Variants in NADK2 observed in about 807,000 individuals in gnomAD.
The protein encoded by NADK2 is NAD kinase domain-containing protein 1, mitochondrial.
In NADK2, 35 loss-of-function variants were observed where a neutral mutation model predicts 62.1. That is an observed-to-expected ratio of 0.56 (90% CI 0.43 to 0.75). The LOEUF is 0.75. Among genes scored for constraint, NADK2 ranks in the 30% least tolerant of loss-of-function variants. The probability of loss-of-function intolerance (pLI) is 0.00; values close to 1 mark genes in which losing one functional copy is unlikely to be tolerated. For missense variants in NADK2, 439 were observed against 561.3 expected (o/e 0.78, Z 2.20); for synonymous variants, 205 against 207.9 (o/e 0.99, Z 0.12).
At chr5:36,217,554 G>A (rs907166941) in intron 6 of NADK2, among the ~76,000 whole-genome samples, 194 bp downstream of exon 6, 3 of 151,764 alleles carry the variant, frequency 2.0e-5, no homozygotes, top group African/African-American at 7.3e-5. Context: ...ATCTGTCCTA[G>A]AAAACATTTC....
At chr5:36,238,593 T>C (rs969291040) in intron 1 of NADK2, among the ~76,000 whole-genome samples, 1 of 152,216 alleles carries the variant, frequency 6.6e-6, no homozygotes, top group Non-Finnish European at 1.5e-5. Context: ...AAGTCAGTTT[T>C]GTTTCATCTA....
chr5:36,201,075 G>GGAAAA, intron 9 of NADK2, 31 bp downstream of exon 9: 1 of 1,598,602 alleles, frequency 6.3e-7, no homozygotes, highest in Non-Finnish European at 8.6e-7. Context: ...GGATAAGAGG[G>GGAAAA]GACTACTCCA....
rs1189866494 is a variant in NADK2 at position 36,241,458 on chromosome 5, G to A, written c.300+41C>T. 3 of 1,496,236 alleles carry A rather than the reference G, an allele frequency of 2.0e-6. No homozygotes were observed. The highest frequency in any genetic ancestry group is 5.6e-5 in the East Asian group (2 of 35,870). 92.7% of individuals were successfully genotyped at this position (1,496,236 alleles called of 1,614,324 possible). A position where few individuals can be genotyped will look rare whatever the true frequency, so the allele number is the denominator to read the frequency against. On this transcript the variant is annotated intron_variant, in intron 1 of 11. Transcript: ENST00000381937. The surrounding 1 kb of genome is among the most constrained non-coding windows in gnomAD (Gnocchi z 4.9). ...GGGGCGCAGCCGCCACCAGAGCCCC[G>A]GCCGAGCCCGGGAGCGAAGCGGGGC...
At chr5:36,228,484 T>A (rs1017472750) in intron 1 of NADK2, among the ~76,000 whole-genome samples, 2 of 152,120 alleles carry the variant, frequency 1.3e-5, no homozygotes, top group Middle Eastern at 3.2e-3. Context: ...CAGGCTGGTC[T>A]TGGACTCCTA....
At chr5:36,210,622 A>C (rs1746806575) in intron 7 of NADK2, among the ~76,000 whole-genome samples, 1 of 152,226 alleles carries the variant, frequency 6.6e-6, no homozygotes, top group South Asian at 2.1e-4. Context: ...AAAAATATTA[A>C]TATCATGAAT....
intron 10 of NADK2, among the ~76,000 whole-genome samples, chr5:36,199,038 C>A (rs978918676): frequency 4.7e-5 from 7 of 149,790 alleles, no homozygotes; most frequent in Non-Finnish European, 8.9e-5. Context: ...ACATTACACA[C>A]TGGGGACTGT....
intron 7 of NADK2, among the ~76,000 whole-genome samples, chr5:36,211,010 A>G (rs1435439855): frequency 6.6e-6 from 1 of 152,064 alleles, no homozygotes; most frequent in Non-Finnish European, 1.5e-5. Context: ...AATAAAAATA[A>G]AACATTAATA....
At chr5:36,235,593 A>T (rs1390405832) in intron 1 of NADK2, among the ~76,000 whole-genome samples, 1 of 152,154 alleles carries the variant, frequency 6.6e-6, no homozygotes, top group Non-Finnish European at 1.5e-5. Flanking sequence ...TTAAAGCAGG[A>T]TTTGTCTACT....
intron 10 of NADK2, 117 bp from the exon 11 acceptor site, chr5:36,197,781 C>CA: frequency 1.1e-6 from 1 of 888,496 alleles, no homozygotes; most frequent in Middle Eastern, 3.3e-4. Flanking sequence ...TATTTGGGAA[C>CA]AAGTTTCTTG....
At position 36,219,704 on chromosome 5, in the gene NADK2, G is replaced by A. The variant is rs766420620; in HGVS notation, c.561-25C>T. On this transcript the variant is annotated intron_variant, in intron 4 of 11. Coordinates refer to ENST00000381937, the MANE Select transcript of NADK2 (RefSeq NM_001085411.3). ...CCTATATTTTAACAGGAATTTTTTGGTGATATAAAGAGGAAAAGAAAAAAG... is the reference window on the plus strand; with the variant it reads ...CCTATATTTTAACAGGAATTTTTTGATGATATAAAGAGGAAAAGAAAAAAG... 8.2e-6 allele frequency: 13 copies of A among 1,586,922 alleles called. No homozygotes were observed. The South Asian group carries it at 1.5e-4, about 18-fold the overall frequency.
chr5:36,196,913 A>G (rs916461103), intron 11 of NADK2, among the ~76,000 whole-genome samples: 5 of 152,036 alleles, frequency 3.3e-5, no homozygotes, highest in Non-Finnish European at 1.5e-5. Flanking sequence ...AAATATGTAC[A>G]CTAAGGTCAG....
intron 7 of NADK2, among the ~76,000 whole-genome samples, chr5:36,211,610 G>A (rs1300373353): frequency 6.6e-6 from 1 of 151,896 alleles, no homozygotes; most frequent in Non-Finnish European, 1.5e-5. Context: ...CTGGGACACA[G>A]TACAATAACT....
intron 6 of NADK2, among the ~76,000 whole-genome samples, chr5:36,212,708 T>C (rs1480883891): frequency 1.3e-5 from 2 of 152,226 alleles, no homozygotes; most frequent in African/African-American, 2.4e-5. Context: ...GGCAAGCATC[T>C]TGTGACAAGT....
intron 5 of NADK2, 88 bp downstream of exon 5, chr5:36,219,508 G>C: frequency 1.7e-6 from 2 of 1,199,000 alleles, no homozygotes; most frequent in South Asian, 2.6e-5. Flanking sequence ...ACCGTGCCCT[G>C]CCTGATTTGT....
Position 36,229,735 on chromosome 5 carries a change from C to A in NADK2, c.301-2170G>T, listed in dbSNP as rs140839688. On this transcript the variant is annotated intron_variant, in intron 1 of 11. Coordinates refer to ENST00000381937, the MANE Select transcript of NADK2 (RefSeq NM_001085411.3). ...ATTTATTCAACTGCTTATTTGACAT[C>A]TTTCTTTGGCTATCTAACAGGCACC... Among the ~76,000 whole-genome samples the A allele has an allele frequency of 2.6e-5, 4 of 151,102 alleles. No individual in the cohort carries two copies. In the East Asian group the frequency reaches 8.2e-4, roughly 31 times the overall value.
At chr5:36,206,430 G>C (rs540829072) in intron 8 of NADK2, among the ~76,000 whole-genome samples, 10 of 151,210 alleles carry the variant, frequency 6.6e-5, no homozygotes, top group Non-Finnish European at 1.3e-4. Flanking sequence ...AGCAGCAGTA[G>C]AAACCCAAAA....
At chr5:36,196,000 G>A (rs971701591) in intron 11 of NADK2, among the ~76,000 whole-genome samples, 5 of 152,104 alleles carry the variant, frequency 3.3e-5, no homozygotes, top group African/African-American at 7.2e-5. Context: ...TTTTAATGCT[G>A]TATGAAATCA....
At chr5:36,219,813 C>T (rs944217581) in intron 4 of NADK2, 134 bp from the exon 5 acceptor site, 3 of 616,174 alleles carry the variant, frequency 4.9e-6, no homozygotes, top group Non-Finnish European at 2.7e-6. Flanking sequence ...CCCTATATTC[C>T]ATTTTTTGCC....
intron 8 of NADK2, among the ~76,000 whole-genome samples, chr5:36,202,645 G>A (rs1294771211): frequency 6.6e-6 from 1 of 152,080 alleles, no homozygotes; most frequent in Non-Finnish European, 1.5e-5. Context: ...TGACTGAGTT[G>A]TAGCTAATGG....
Sources: allele counts gnomAD v4.1 joint callset (sites outside exome capture counted in the v4.1 genomes callset), GRCh38; gene constraint gnomAD v4.1.1; non-coding constraint Gnocchi (gnomAD v3.1); transcripts MANE v1.5; gene names NCBI Gene and HGNC (gene_info 2026-07-23, HGNC 2026-07-21).